The following RBPMS variants were observed in gnomAD, a reference collection of about 807,000 sequenced individuals.
RBPMS encodes RNA binding protein, mRNA processing factor.
Under a neutral mutation model 26.8 loss-of-function variants are expected in RBPMS, and 7 were observed. The ratio of observed to expected loss-of-function variants is 0.26; its 90% CI spans 0.15 to 0.49. The LOEUF (loss-of-function observed/expected upper bound fraction) is 0.49. Ranked by LOEUF, RBPMS falls within the 20% of genes least tolerant of loss-of-function variation. The pLI, the probability that RBPMS is intolerant of heterozygous loss-of-function variation, is 0.98. For synonymous variants in RBPMS, 96 were observed against 93.3 expected (o/e 1.03, Z -0.17); for missense variants, 186 against 250.0 (o/e 0.74, Z 1.73).
chr8:30,558,778 T>C, intron 6 of RBPMS, 109 bp from the exon 7 acceptor site: 2 of 908,376 alleles, frequency 2.2e-6, no homozygotes, highest in East Asian at 2.4e-5. Flanking sequence ...CTAGTGTGAG[T>C]GGGTACCATC....
chr8:30,424,489 A>G (rs955594612), intron 1 of RBPMS, among the ~76,000 whole-genome samples: 19 of 152,196 alleles, frequency 1.2e-4, no homozygotes, highest in African/African-American at 4.6e-4. Context: ...CTTTTGTGAC[A>G]TTGGAAATTT....
chr8:30,415,244 A>C (rs934932695), intron 1 of RBPMS, among the ~76,000 whole-genome samples: 3 of 151,932 alleles, frequency 2.0e-5, no homozygotes, highest in African/African-American at 7.3e-5. Flanking sequence ...CTTTCCAAAT[A>C]TCTCTCAAAT....
At chr8:30,457,302 T>TA (rs1815331111) in intron 1 of RBPMS, among the ~76,000 whole-genome samples, 2 of 152,218 alleles carry the variant, frequency 1.3e-5, no homozygotes, top group Admixed American at 1.3e-4. Flanking sequence ...TCTTTACAGA[T>TA]ATATTACAAA....
Position 30,549,826 on chromosome 8 carries a change from CTTT to C in RBPMS, c.528+5204_528+5206del, listed in dbSNP as rs1404946305. On this transcript the variant is annotated intron_variant, in intron 6 of 8. Transcript: ENST00000397323. ...CTCTCCTCTCTCTCTCTCTCTCTCT[CTTT>C]TCTTTCTTTTCTTTCTTTTCTTTCT... Among the ~76,000 whole-genome samples, 553 of 123,384 alleles carry C rather than the reference CTTT, an allele frequency of 4.5e-3. 2 individuals are homozygous for C. Among genetic ancestry groups the C allele is most frequent in the African/African-American group, 0.011 (354 of 30,798 alleles). The allele number at this position is 123,384 out of a possible 152,430, so 80.9% of individuals were successfully genotyped here. A position where few individuals can be genotyped will look rare whatever the true frequency, so the allele number is the denominator to read the frequency against.
chr8:30,485,237 C>T (rs879944938), intron 4 of RBPMS, among the ~76,000 whole-genome samples: 12 of 152,168 alleles, frequency 7.9e-5, no homozygotes, highest in Non-Finnish European at 1.5e-4. Context: ...ATTTGTACAG[C>T]TTGTGAGTTA....
intron 1 of RBPMS, among the ~76,000 whole-genome samples, chr8:30,434,636 G>A (rs1263595424): frequency 2.6e-5 from 4 of 151,124 alleles, no homozygotes; most frequent in African/African-American, 7.3e-5. Flanking sequence ...CCGGGATGGC[G>A]GCCACTGCTG....
At chr8:30,425,409 C>CT (rs1203980162) in intron 1 of RBPMS, among the ~76,000 whole-genome samples, 4 of 150,932 alleles carry the variant, frequency 2.7e-5, no homozygotes, top group East Asian at 3.9e-4. Context: ...ATTTTAATTT[C>CT]TTTTTTTTGA....
chr8:30,473,994 C>T (rs1466570080), intron 1 of RBPMS, among the ~76,000 whole-genome samples: 1 of 152,042 alleles, frequency 6.6e-6, no homozygotes, highest in Non-Finnish European at 1.5e-5. Context: ...GGGCTTAATA[C>T]CCAGGTGATA....
chr8:30,561,807 C>CT (rs1319215561), intron 7 of RBPMS: 3 of 959,384 alleles, frequency 3.1e-6, no homozygotes, highest in Non-Finnish European at 3.7e-6. Context: ...TAAGGAAGGG[C>CT]TTTTTTCCCC....
At chr8:30,456,926 C>T (rs755370941) in intron 1 of RBPMS, among the ~76,000 whole-genome samples, 2 of 152,192 alleles carry the variant, frequency 1.3e-5, no homozygotes, top group Non-Finnish European at 2.9e-5. Flanking sequence ...ATCTCACACA[C>T]ACAAAGAAAC....
In RBPMS at chr8:30,493,228, G is replaced by C. The variant is rs532306164; in HGVS notation, c.247-11058G>C. Reference sequence around the variant, plus strand: ...AAATCACCCCAAGGTCTCTATCAGAGTTGAAAATTTAACTGAATTGAGAGC... The same window carrying C: ...AAATCACCCCAAGGTCTCTATCAGACTTGAAAATTTAACTGAATTGAGAGC... On this transcript the variant is annotated intron_variant, in intron 4 of 8. Coordinates refer to ENST00000397323, the MANE Select transcript of RBPMS (RefSeq NM_001008710.3). Among the ~76,000 whole-genome samples the C allele has an allele frequency of 3.9e-5, 6 of 152,326 alleles. No homozygotes were observed. In the South Asian group the frequency reaches 1.2e-3, roughly 32 times the overall value.
chr8:30,544,733 A>C lies in RBPMS; in HGVS notation c.528+109A>C, dbSNP rs374317677. 5.3e-4 allele frequency: 841 copies of C among 1,601,276 alleles called. 10 individuals are homozygous for C. In the South Asian group the frequency reaches 6.9e-3, roughly 13 times the overall value. On this transcript the variant is annotated intron_variant, in intron 6 of 8. Coordinates refer to ENST00000397323, the MANE Select transcript of RBPMS (RefSeq NM_001008710.3). ...TAACACCTATCCAGCTAACAGATCC[A>C]CCCTCAAGAGATTAATGATCCCCTC...
intron 1 of RBPMS, among the ~76,000 whole-genome samples, chr8:30,447,822 C>G (rs144067181): frequency 1.1e-3 from 169 of 152,088 alleles, no homozygotes; most frequent in Non-Finnish European, 1.8e-3. Context: ...AGATCTAACT[C>G]ATTTTAAAAA....
intron 1 of RBPMS, among the ~76,000 whole-genome samples, chr8:30,467,371 G>C (rs974452804): frequency 2.0e-5 from 3 of 152,088 alleles, no homozygotes; most frequent in African/African-American, 4.8e-5. Flanking sequence ...TTACAAGCTG[G>C]GCCCTGATGC....
At position 30,431,160 on chromosome 8, in the gene RBPMS, T is replaced by C. The variant is rs138701422; in HGVS notation, c.67-43619T>C. ...TATACTGGGGAGCACATGGTATAAC[T>C]GGCAGAGTGTATCCAGGGGGAGAAA... is the stretch of plus-strand genomic sequence containing the variant. On this transcript the variant is annotated intron_variant, in intron 1 of 8. Coordinates refer to ENST00000397323, the MANE Select transcript of RBPMS (RefSeq NM_001008710.3). 5.1e-3 allele frequency among the ~76,000 whole-genome samples: 770 copies of C among 152,294 alleles called. 5 individuals carry two copies. Among genetic ancestry groups the C allele is most frequent in the Middle Eastern group, 0.034 (10 of 294 alleles).
chr8:30,489,690 G>A (rs1448599453), intron 4 of RBPMS, among the ~76,000 whole-genome samples: 13 of 152,106 alleles, frequency 8.5e-5, no homozygotes, highest in African/African-American at 3.1e-4. Context: ...TGTTCTGCCC[G>A]CCTCGGCCTC....
At chr8:30,474,483 A>G (rs981605129) in intron 1 of RBPMS, among the ~76,000 whole-genome samples, 1 of 152,202 alleles carries the variant, frequency 6.6e-6, no homozygotes, top group Non-Finnish European at 1.5e-5. Flanking sequence ...TTGTAAATTT[A>G]AATCAACTAG....
In RBPMS at chr8:30,385,101, C is replaced by G. The variant is rs1806851852; in HGVS notation, c.9C>G (p.Asn3Lys). 6.6e-7 allele frequency: 1 copy of G among 1,523,828 alleles called. No individual in the cohort carries two copies. Among genetic ancestry groups the G allele is most frequent in the South Asian group, 1.2e-5 (1 of 80,496 alleles). The allele number at this position is 1,523,828 out of a possible 1,614,324, so 94.4% of individuals were successfully genotyped here. A position where few individuals can be genotyped will look rare whatever the true frequency, so the allele number is the denominator to read the frequency against. ...GAGGAAGGACCGGGAAGATGAACAA[C>G]GGCGGCAAAGCCGAGAAGGAGAACA... MN[N>K]GGKAEKENTP... The change falls in exon 1 of 9, where the codon AAC becomes AAG. Residue 3 changes from asparagine (N) to lysine (K), a missense_variant. This residue lies in a region of RBPMS where 38 missense variants were observed against 27.8 expected (regional missense o/e 1.37). Transcript: ENST00000397323.
chr8:30,536,128 CTTTT>C (rs11440225), intron 5 of RBPMS, among the ~76,000 whole-genome samples: 1 of 138,200 alleles, frequency 7.2e-6, no homozygotes, highest in Admixed American at 7.2e-5. Context: ...TCATCTCTCT[CTTTT>C]TTTTTTTTTT....
Sources: allele counts gnomAD v4.1 joint callset (sites outside exome capture counted in the v4.1 genomes callset), GRCh38; gene constraint gnomAD v4.1.1; regional missense constraint gnomAD v4.1.1; transcripts MANE v1.5; gene names NCBI Gene and HGNC (gene_info 2026-07-23, HGNC 2026-07-21).